CAMTA2: variants seen among roughly 807,000 people sequenced by gnomAD.
The protein encoded by CAMTA2 is calmodulin binding transcription activator 2, also known as calmodulin-binding transcription activator 2.
A neutral mutation model predicts 135.7 loss-of-function variants in CAMTA2; 56 were observed. That is an observed-to-expected ratio of 0.41 (90% CI 0.33 to 0.52). CAMTA2 has a LOEUF of 0.52. CAMTA2 is among the 20% of genes least tolerant of loss of function. The probability of loss-of-function intolerance (pLI) is 0.16; values close to 1 mark genes in which losing one functional copy is unlikely to be tolerated. For synonymous variants in CAMTA2, 591 were observed against 604.6 expected (o/e 0.98, Z 0.33); for missense variants, 1,358 against 1,553.4 (o/e 0.87, Z 2.11).
In CAMTA2 at chr17:4,973,997, A is replaced by C. The variant is rs951992541; in HGVS notation, c.2017-228T>G. ...CACAATCTTGCCCATGTGCCTTCCC[A>C]TCAGCTCAGATTAGTGCCATGTTCA... On this transcript the variant is annotated intron_variant, in intron 12 of 22. Transcript: ENST00000348066. 3 of 563,306 alleles carry C rather than the reference A, an allele frequency of 5.3e-6. No individual in the cohort carries two copies. In the Admixed American group the frequency reaches 1.0e-4, roughly 19 times the overall value. The allele number at this position is 563,306 out of a possible 1,614,324, so 34.9% of individuals were successfully genotyped here.
chr17:4,970,277 A>G, intron 17 of CAMTA2, 63 bp downstream of exon 17: 1 of 1,575,894 alleles, frequency 6.3e-7, no homozygotes, highest in South Asian at 1.1e-5. Flanking sequence ...TGGGAAAGCC[A>G]GCTTTCTCCC....
rs1045878144 is a variant in CAMTA2, at chr17:4,970,589, T to C, written c.2809-53A>G. 57 of 1,446,806 alleles carry C rather than the reference T, an allele frequency of 3.9e-5. No homozygotes were observed. In the African/African-American group the frequency reaches 7.2e-4, roughly 18 times the overall value. 89.6% of individuals were successfully genotyped at this position (1,446,806 alleles called of 1,614,324 possible). A position where few individuals can be genotyped will look rare whatever the true frequency, so the allele number is the denominator to read the frequency against. ...CCTTAGGGGCCCCAGCTGCCAGCTG[T>C]AACCTCAGTCCATTCCTATCTTGTT... On this transcript the variant is annotated intron_variant, in intron 16 of 22. Transcript: ENST00000348066.
At chr17:4,976,373 A>G (rs1001888064) in intron 11 of CAMTA2, among the ~76,000 whole-genome samples, 1 of 152,190 alleles carries the variant, frequency 6.6e-6, no homozygotes, top group Admixed American at 6.5e-5. Flanking sequence ...ACACGTCTTT[A>G]TATCAGAAAA....
At chr17:4,985,670 C>T (rs1055897346) in intron 3 of CAMTA2, among the ~76,000 whole-genome samples, 2 of 152,176 alleles carry the variant, frequency 1.3e-5, no homozygotes, top group East Asian at 3.8e-4. Context: ...ATGATCCACC[C>T]GCCTCAGCCT....
At chr17:4,973,074 C>T (rs1597735634) in intron 14 of CAMTA2, 83 bp from the exon 15 acceptor site, 3 of 1,499,094 alleles carry the variant, frequency 2.0e-6, no homozygotes, top group East Asian at 4.5e-5. Flanking sequence ...GTCTTCAGGC[C>T]CCAGCCCACC....
At chr17:4,985,787 A>T in intron 3 of CAMTA2, 93 bp downstream of exon 3, 1 of 797,366 alleles carries the variant, frequency 1.3e-6, no homozygotes. Context: ...CTCTGCACTT[A>T]GGAGTGTTGA....
rs1368986381 is a variant in CAMTA2, at chr17:4,978,565, A to T, written c.1704T>A (p.Phe568Leu). The T allele has an allele frequency of 6.2e-7, 1 of 1,614,202 alleles. No homozygotes were observed. The highest frequency in any genetic ancestry group is 8.5e-7 in the Non-Finnish European group (1 of 1,180,000). ...GTGAGGCTGGCACTGCGATGTGATC[A>T]AAGACACAGGAGTAATGCTCGGCGG... ...TEAAEHYSCV[F>L]DHIAVPASLV... Residue 568 changes from phenylalanine to leucine, a missense_variant, in exon 10 of 23, where the codon TTT (phenylalanine) becomes TTA (leucine). Physicochemically the swap from Phe to Leu is conservative, Grantham distance 22 (BLOSUM62 0). Coordinates refer to ENST00000348066, the MANE Select transcript of CAMTA2 (RefSeq NM_015099.4).
chr17:4,971,758 G>A (rs147433558), intron 16 of CAMTA2, among the ~76,000 whole-genome samples: 130 of 144,266 alleles, frequency 9.0e-4, no homozygotes, highest in African/African-American at 2.7e-3. Flanking sequence ...GTGCAGTCTC[G>A]GCTCACTGCA....
At chr17:4,976,307 G>T (rs993452837) in intron 11 of CAMTA2, among the ~76,000 whole-genome samples, 1 of 152,078 alleles carries the variant, frequency 6.6e-6, no homozygotes, top group African/African-American at 2.4e-5. Context: ...CGCCCAGCCA[G>T]AAATTTTTAT....
intron 3 of CAMTA2, among the ~76,000 whole-genome samples, chr17:4,984,989 C>T (rs1212004083): frequency 1.3e-5 from 2 of 150,708 alleles, no homozygotes; most frequent in African/African-American, 4.9e-5. Context: ...TGCACTCCAG[C>T]CTGGGCGACA....
intron 11 of CAMTA2, 122 bp downstream of exon 11, chr17:4,976,936 G>GAA: frequency 7.1e-5 from 57 of 800,522 alleles, no homozygotes; most frequent in Middle Eastern, 4.0e-4. Context: ...AATAGGAATT[G>GAA]AAAAAAAAAA....
intron 1 of CAMTA2, chr17:4,987,244 C>G (rs1051699631): frequency 3.0e-6 from 4 of 1,339,738 alleles, no homozygotes; most frequent in African/African-American, 3.1e-5. Flanking sequence ...GGCGGCCCCC[C>G]GGCGGAGTGG....
chr17:4,972,688 C>G lies in CAMTA2; in HGVS notation c.2503+81G>C. The G allele has an allele frequency of 1.7e-5, 25 of 1,469,330 alleles. 3 individuals are homozygous for G. In the South Asian group the frequency reaches 1.9e-4, roughly 11 times the overall value. 91.0% of individuals were successfully genotyped at this position (1,469,330 alleles called of 1,614,324 possible). A position where few individuals can be genotyped will look rare whatever the true frequency, so the allele number is the denominator to read the frequency against. ...TCTGTGGTTTGTCTCCTCTCTTACT[C>G]GTTTCCCACACCCTTTGGCTTTGTC... On this transcript the variant is annotated intron_variant, in intron 15 of 22. Transcript: ENST00000348066.
rs1043914023 is a variant in CAMTA2, at chr17:4,987,652, C to T, written c.-124G>A. 1.2e-5 allele frequency: 19 copies of T among 1,521,464 alleles called. No homozygotes were observed. Among genetic ancestry groups the T allele is most frequent in the East Asian group, 2.6e-5 (1 of 39,078 alleles). The allele number at this position is 1,521,464 out of a possible 1,614,324, so 94.2% of individuals were successfully genotyped here. ...CATTCTACCCCACACCGACCCCCCC[C>T]AGCGCCGGCTGACAGCGGCGTCTAA... On this transcript the variant is annotated 5_prime_UTR_variant, in exon 1 of 23. Coordinates refer to ENST00000348066, the MANE Select transcript of CAMTA2 (RefSeq NM_015099.4).
At chr17:4,976,469 C>A (rs558648370) in intron 11 of CAMTA2, among the ~76,000 whole-genome samples, 2 of 151,360 alleles carry the variant, frequency 1.3e-5, no homozygotes, top group Non-Finnish European at 2.9e-5. Flanking sequence ...TAGACCAAGG[C>A]GGGGTGGATT....
rs1345974550 is a variant in CAMTA2 at position 4,982,077 on chromosome 17, T to C, written c.411+12A>G. The C allele has an allele frequency of 6.2e-7, 1 of 1,607,734 alleles. No homozygotes were observed. On this transcript the variant is annotated intron_variant, in intron 6 of 22. Coordinates refer to ENST00000348066, the MANE Select transcript of CAMTA2 (RefSeq NM_015099.4). ...AGGAAGAGGGTGGCTCCCTGGGCTCTTCCGTCCTTACCTGGAGCAGCCAGT... is the reference window on the plus strand; with the variant it reads ...AGGAAGAGGGTGGCTCCCTGGGCTCCTCCGTCCTTACCTGGAGCAGCCAGT...
rs1679094708 is a variant in CAMTA2 at position 4,974,390 on chromosome 17, C to T, written c.2011G>A (p.Val671Ile). 2 of 1,603,260 alleles carry T rather than the reference C, an allele frequency of 1.2e-6. No homozygotes were observed. Among genetic ancestry groups the T allele is most frequent in the African/African-American group, 1.3e-5 (1 of 74,764 alleles). The change falls in exon 12 of 23, where the codon GTT (valine) becomes ATT (isoleucine). Residue 671 changes from valine (V) to isoleucine (I), a missense_variant. Val to Ile is a conservative substitution (Grantham distance 29, BLOSUM62 3). Coordinates refer to ENST00000348066, the MANE Select transcript of CAMTA2 (RefSeq NM_015099.4). ...CTCCCTCCTCACAGAAGTACCTGAA[C>T]TGGAGGAGCATCAGGACCCTGGCAA... Reference protein sequence around the residue: ...VPCQGPDAPPVQDEGQGPGFE... With the variant: ...VPCQGPDAPPIQDEGQGPGFE...
Position 4,979,922 on chromosome 17 carries a change from G to A in CAMTA2, c.1400C>T (p.Pro467Leu), listed in dbSNP as rs1214838683. 2.5e-6 allele frequency: 4 copies of A among 1,611,292 alleles called. No individual in the cohort carries two copies. In the South Asian group the frequency reaches 4.4e-5, roughly 18 times the overall value. Residue 467 changes from proline (P) to leucine (L), a missense_variant, in exon 9 of 23, where the codon CCC becomes CTC. Physicochemically the swap from Pro to Leu is moderately conservative, Grantham distance 98. Transcript: ENST00000348066. ...GGGGGCAGGTGAGGGTGGGGGTGAG[G>A]GAGGGGGTGAAGGTATGGGTGGGGC... The part of the protein sequence containing the change: ...GAAPPIPSPP[P>L]SPPPSPAPLE...
At chr17:4,983,313 A>C in intron 3 of CAMTA2, 2 of 356,372 alleles carry the variant, frequency 5.6e-6, no homozygotes, top group Non-Finnish European at 1.1e-5. Flanking sequence ...ATGGAGTTTC[A>C]CTCTTGTTGC....
Sources: allele counts gnomAD v4.1 joint callset (sites outside exome capture counted in the v4.1 genomes callset), GRCh38; gene constraint gnomAD v4.1.1; transcripts MANE v1.5; gene names NCBI Gene and HGNC (gene_info 2026-07-23, HGNC 2026-07-21).